Variants in SAMMSON observed in about 807,000 individuals in gnomAD.
SAMMSON encodes the protein long intergenic non-protein coding RNA 1212.
chr3:70,400,377 G>C (rs1335229928), intron 2 of SAMMSON, among the ~76,000 whole-genome samples: 1 of 152,124 alleles, frequency 6.6e-6, no homozygotes, highest in Admixed American at 6.5e-5. Context: ...GCTCATGCTA[G>C]AGCAGGTTGT....
chr3:70,375,471 A>G (rs920217026), intron 9 of SAMMSON, among the ~76,000 whole-genome samples: 8 of 142,346 alleles, frequency 5.6e-5, no homozygotes, highest in Non-Finnish European at 1.2e-4. Context: ...ACCCTCTTTT[A>G]TTACTTGTCA....
chr3:70,275,351 AT>A (rs1231748828), intron 6 of SAMMSON, among the ~76,000 whole-genome samples: 4 of 152,044 alleles, frequency 2.6e-5, no homozygotes, highest in Non-Finnish European at 5.9e-5. Flanking sequence ...TCTACAAAAA[AT>A]AAAAAGAAAA....
At chr3:70,073,945 G>A (rs918037094) in intron 4 of SAMMSON, among the ~76,000 whole-genome samples, 1 of 152,010 alleles carries the variant, frequency 6.6e-6, no homozygotes, top group Non-Finnish European at 1.5e-5. Context: ...ATGTGACCTT[G>A]TAAGTAAAGT....
chr3:70,040,742 G>A (rs1200137011), intron 3 of SAMMSON, among the ~76,000 whole-genome samples: 2 of 152,080 alleles, frequency 1.3e-5, no homozygotes, highest in East Asian at 1.9e-4. Flanking sequence ...TCTTCCCACC[G>A]CCTGCCAATC....
intron 2 of SAMMSON, among the ~76,000 whole-genome samples, chr3:70,395,350 G>A (rs570973611): frequency 0.014 from 671 of 46,830 alleles, 2 homozygotes; most frequent in Admixed American, 0.021. Flanking sequence ...TTTTTTTTTT[G>A]TGTTGTTGTT....
chr3:70,108,383 A>C (rs1258896296), intron 4 of SAMMSON, among the ~76,000 whole-genome samples: 3 of 135,698 alleles, frequency 2.2e-5, no homozygotes, highest in African/African-American at 8.3e-5. Context: ...CAAGCCCCGC[A>C]TAGCTTATCC....
At position 70,423,324 on chromosome 3, in the gene SAMMSON, G is replaced by A. The variant is rs188062012; in HGVS notation, n.234-39236G>A. On this transcript the variant is annotated intron_variant and non_coding_transcript_variant, in intron 2 of 3. Transcript: ENST00000641053. ...TGTTTCCTTTTAAATCAGGTAAAAT[G>A]TTGTAAGAATGGTCCCTTTCTTTGC... 1.8e-3 allele frequency among the ~76,000 whole-genome samples: 277 copies of A among 152,238 alleles called. 1 individual carries two copies. Among genetic ancestry groups the A allele is most frequent in the African/African-American group, 6.4e-3 (265 of 41,572 alleles).
chr3:70,290,136 C>G (rs1345000029), intron 6 of SAMMSON, among the ~76,000 whole-genome samples: 1 of 152,156 alleles, frequency 6.6e-6, no homozygotes, highest in Non-Finnish European at 1.5e-5. Context: ...GAGAGGCGCT[C>G]TGCTTTTTAG....
chr3:70,189,040 C>T (rs935710196), intron 4 of SAMMSON, among the ~76,000 whole-genome samples: 2 of 152,082 alleles, frequency 1.3e-5, no homozygotes, highest in African/African-American at 4.8e-5. Context: ...AATGTTTCTC[C>T]AATTTTGAGT....
chr3:70,033,518 G>A (rs576530355), intron 3 of SAMMSON, among the ~76,000 whole-genome samples: 3 of 152,146 alleles, frequency 2.0e-5, no homozygotes, highest in South Asian at 2.1e-4. Flanking sequence ...AGAGACTGGC[G>A]AAATATGCTG....
rs887657458 is a variant in SAMMSON at position 70,015,285 on chromosome 3, A to G, written n.417+1613A>G. 2.0e-5 allele frequency: 3 copies of G among 152,200 alleles called. No individual in the cohort carries two copies. The East Asian group carries it at 5.8e-4, about 29-fold the overall frequency. 9.4% of individuals were successfully genotyped at this position (152,200 alleles called of 1,614,324 possible). On this transcript the variant is annotated intron_variant and non_coding_transcript_variant, in intron 3 of 9. Transcript: ENST00000642114. ...GACAGAGCGAGACTCCGTCTCAAAAAAAACCAAACCAACAAACAAACAAAC... is the reference window on the plus strand; with the variant it reads ...GACAGAGCGAGACTCCGTCTCAAAAGAAACCAAACCAACAAACAAACAAAC...
At position 70,080,843 on chromosome 3, in the gene SAMMSON, G is replaced by C. The variant is rs2067265309; in HGVS notation, n.507+9278G>C. ...AATGATCCTTAGAAGTGTGAAAAAA[G>C]ATCCAGCTGATAACCTTTGAAGATG... On this transcript the variant is annotated intron_variant and non_coding_transcript_variant, in intron 4 of 9. Transcript: ENST00000642114. 2.0e-5 allele frequency among the ~76,000 whole-genome samples: 3 copies of C among 152,204 alleles called. No individual in the cohort carries two copies. In the South Asian group the frequency reaches 6.2e-4, roughly 32 times the overall value.
chr3:70,043,206 C>G (rs546671771), intron 3 of SAMMSON, among the ~76,000 whole-genome samples: 2 of 152,154 alleles, frequency 1.3e-5, no homozygotes, highest in African/African-American at 4.8e-5. Context: ...GTTATGCAAG[C>G]CTGGCTTTTG....
intron 4 of SAMMSON, among the ~76,000 whole-genome samples, chr3:70,109,045 C>G (rs1390971881): frequency 2.6e-5 from 4 of 152,024 alleles, no homozygotes; most frequent in Non-Finnish European, 4.4e-5. Context: ...ATTGATGATG[C>G]GTGAACAAGA....
intron 4 of SAMMSON, among the ~76,000 whole-genome samples, chr3:70,086,613 T>C (rs1369169180): frequency 6.6e-6 from 1 of 152,148 alleles, no homozygotes; most frequent in East Asian, 1.9e-4. Context: ...TGGTTACAAG[T>C]CCTCCCAGGC....
intron 4 of SAMMSON, among the ~76,000 whole-genome samples, chr3:70,207,108 A>T (rs1364981696): frequency 6.6e-6 from 1 of 151,462 alleles, no homozygotes; most frequent in Non-Finnish European, 1.5e-5. Flanking sequence ...ATCTCATAGT[A>T]CATTGTCAGC....
chr3:70,057,011 A>C (rs559862221), intron 3 of SAMMSON, among the ~76,000 whole-genome samples: 1 of 152,096 alleles, frequency 6.6e-6, no homozygotes, highest in Non-Finnish European at 1.5e-5. Flanking sequence ...TATCTAATCT[A>C]TTTGTGTCCC....
intron 6 of SAMMSON, among the ~76,000 whole-genome samples, chr3:70,277,961 A>G (rs1702043558): frequency 6.6e-6 from 1 of 152,136 alleles, no homozygotes; most frequent in Non-Finnish European, 1.5e-5. Context: ...TTGTTGAGCT[A>G]CAACTTACAT....
chr3:70,415,579 G>A (rs549739670), intron 2 of SAMMSON, among the ~76,000 whole-genome samples: 8 of 152,254 alleles, frequency 5.3e-5, no homozygotes, highest in African/African-American at 1.9e-4. Flanking sequence ...TTATTAGCCT[G>A]TGACAATTGG....
Sources: allele counts gnomAD v4.1 joint callset (sites outside exome capture counted in the v4.1 genomes callset), GRCh38; gene constraint gnomAD v4.1.1; transcripts MANE v1.5; gene names NCBI Gene and HGNC (gene_info 2026-07-23, HGNC 2026-07-21).